Variants in TSHZ2 observed in about 807,000 individuals in gnomAD.
The protein encoded by TSHZ2 is teashirt homolog 2.
TSHZ2 carries 21 observed loss-of-function variants against 74.4 expected under a neutral mutation model. The ratio of observed to expected loss-of-function variants is 0.28; its 90% CI spans 0.20 to 0.41. TSHZ2 has a LOEUF of 0.41. Ranked by LOEUF, TSHZ2 falls within the 10% of genes least tolerant of loss-of-function variation. The probability of loss-of-function intolerance (pLI) is 1.00; values close to 1 mark genes in which losing one functional copy is unlikely to be tolerated. For missense variants in TSHZ2, 1,244 were observed against 1,293.5 expected, an observed-to-expected ratio of 0.96 and a Z score of 0.59; for synonymous variants, 540 against 515.3, an observed-to-expected ratio of 1.05 and a Z score of -0.65.
chr20:53,052,761 T>C (rs1021240863), intron 1 of TSHZ2, among the ~76,000 whole-genome samples: 3 of 152,214 alleles, frequency 2.0e-5, no homozygotes, highest in Non-Finnish European at 4.4e-5. Context: ...AAATACAGTA[T>C]ACAAGCATAT....
intron 2 of TSHZ2, among the ~76,000 whole-genome samples, chr20:53,368,939 C>T (rs966284361): frequency 6.6e-6 from 1 of 152,090 alleles, no homozygotes; most frequent in African/African-American, 2.4e-5. Context: ...CAACAAGGGC[C>T]GTAAGAAGAG....
At chr20:53,175,010 C>T (rs1012550883) in intron 1 of TSHZ2, among the ~76,000 whole-genome samples, 5 of 151,640 alleles carry the variant, frequency 3.3e-5, no homozygotes, top group East Asian at 1.9e-4. Context: ...GTCTTTCTCT[C>T]GATGAGTTTC....
At chr20:53,000,642 C>T (rs1051867909) in intron 1 of TSHZ2, among the ~76,000 whole-genome samples, 1 of 152,014 alleles carries the variant, frequency 6.6e-6, no homozygotes, top group African/African-American at 2.4e-5. Context: ...ATGGGATAAA[C>T]ACTGTTATAG....
chr20:53,133,179 C>G (rs1987153217), intron 1 of TSHZ2, among the ~76,000 whole-genome samples: 1 of 152,238 alleles, frequency 6.6e-6, no homozygotes. Context: ...CTTCTTCCAA[C>G]TGGCTTCAGT....
chr20:53,076,994 G>GACC (rs1455442600), intron 1 of TSHZ2, among the ~76,000 whole-genome samples: 1 of 152,218 alleles, frequency 6.6e-6, no homozygotes, highest in Non-Finnish European at 1.5e-5. Flanking sequence ...GGCTTAGAGA[G>GACC]AGTGGAGAGG....
chr20:53,180,121 A>G (rs941795972), intron 1 of TSHZ2, among the ~76,000 whole-genome samples: 2 of 152,226 alleles, frequency 1.3e-5, no homozygotes, highest in African/African-American at 2.4e-5. Flanking sequence ...TAATTACTTC[A>G]GTAGCTTCAG....
intron 1 of TSHZ2, among the ~76,000 whole-genome samples, chr20:53,070,525 T>C (rs1266437058): frequency 3.3e-5 from 5 of 152,316 alleles, no homozygotes; most frequent in Middle Eastern, 3.4e-3. Context: ...TCATTTTTAT[T>C]TACAATTTAA....
intron 2 of TSHZ2, among the ~76,000 whole-genome samples, chr20:53,344,742 CTAATA>C (rs144076547): frequency 0.017 from 2,660 of 152,044 alleles, 76 homozygotes; most frequent in African/African-American, 0.061. Flanking sequence ...ATATATTAAC[CTAATA>C]TGAGAAAAAG....
At chr20:53,221,911 C>T (rs926843363) in intron 1 of TSHZ2, among the ~76,000 whole-genome samples, 1 of 152,170 alleles carries the variant, frequency 6.6e-6, no homozygotes. Context: ...TCAAATTACT[C>T]ACAAACTATC....
chr20:53,353,625 T>A (rs1568881814), intron 2 of TSHZ2, among the ~76,000 whole-genome samples: 1 of 152,230 alleles, frequency 6.6e-6, no homozygotes, highest in Non-Finnish European at 1.5e-5. Flanking sequence ...ATTAACAGCA[T>A]ACAACTGAGC....
At position 53,327,421 on chromosome 20, in the gene TSHZ2, G is replaced by A. The variant is rs140982366; in HGVS notation, c.*8+70850G>A. ...GGAGAATGGCATGAACCCGGGAGGC[G>A]TAGATTGCAGTGAGCCAAAATGGCG... On this transcript the variant is annotated intron_variant, in intron 2 of 2. Coordinates refer to ENST00000371497, the MANE Select transcript of TSHZ2 (RefSeq NM_173485.6). 2.6e-4 allele frequency among the ~76,000 whole-genome samples: 40 copies of A among 152,276 alleles called. 1 individual carries two copies. The East Asian group carries it at 5.8e-3, about 22-fold the overall frequency.
chr20:53,037,986 C>G (rs568173088), intron 1 of TSHZ2, among the ~76,000 whole-genome samples: 3 of 151,904 alleles, frequency 2.0e-5, no homozygotes, highest in Non-Finnish European at 4.4e-5. Context: ...CGCTCATGCT[C>G]GTATTCACTG....
At chr20:53,025,624 T>C (rs941890817) in intron 1 of TSHZ2, among the ~76,000 whole-genome samples, 1 of 152,164 alleles carries the variant, frequency 6.6e-6, no homozygotes, top group Non-Finnish European at 1.5e-5. Flanking sequence ...CTAGAACAAG[T>C]CAGGACACCA....
chr20:53,071,385 C>T (rs1985169513), intron 1 of TSHZ2, among the ~76,000 whole-genome samples: 1 of 152,206 alleles, frequency 6.6e-6, no homozygotes, highest in African/African-American at 2.4e-5. Context: ...ACTCCGACTG[C>T]TAAATTAAAA....
chr20:53,417,458 G>A (rs906370360), intron 2 of TSHZ2, among the ~76,000 whole-genome samples: 5 of 151,848 alleles, frequency 3.3e-5, no homozygotes, highest in Non-Finnish European at 5.9e-5. Flanking sequence ...CATCACTCCC[G>A]GCTAATTTTT....
At chr20:52,989,153 A>G (rs1182342049) in intron 1 of TSHZ2, among the ~76,000 whole-genome samples, 1 of 130,936 alleles carries the variant, frequency 7.6e-6, no homozygotes, top group African/African-American at 3.1e-5. Flanking sequence ...ATCATGATAG[A>G]CTCTGTCTGG....
chr20:53,071,863 G>T (rs1985185974), intron 1 of TSHZ2, among the ~76,000 whole-genome samples: 1 of 152,202 alleles, frequency 6.6e-6, no homozygotes, highest in Non-Finnish European at 1.5e-5. Context: ...TGGAGACACT[G>T]AGGGCTTTGG....
chr20:53,251,934 A>G (rs1310566627), intron 1 of TSHZ2, among the ~76,000 whole-genome samples: 1 of 152,230 alleles, frequency 6.6e-6, no homozygotes, highest in Non-Finnish European at 1.5e-5. Flanking sequence ...CCCATCAGGC[A>G]GACTTGGGTG....
intron 1 of TSHZ2, among the ~76,000 whole-genome samples, chr20:52,983,567 T>C (rs969217622): frequency 4.6e-5 from 7 of 152,268 alleles, no homozygotes; most frequent in African/African-American, 1.4e-4. Context: ...ATCTCTTTCA[T>C]AGGTCTAAAA....
Sources: allele counts gnomAD v4.1 joint callset (sites outside exome capture counted in the v4.1 genomes callset), GRCh38; gene constraint gnomAD v4.1.1; transcripts MANE v1.5; gene names NCBI Gene and HGNC (gene_info 2026-07-23, HGNC 2026-07-21).